PTPRT: variants seen among roughly 807,000 people sequenced by gnomAD.
PTPRT encodes the protein receptor-type tyrosine-protein phosphatase T.
Under a neutral mutation model 176.8 loss-of-function variants are expected in PTPRT, and 56 were observed. That is an observed-to-expected ratio of 0.32 (90% CI 0.26 to 0.40). The LOEUF (loss-of-function observed/expected upper bound fraction) is 0.40, where lower values mean the gene tolerates loss of function less well. PTPRT is among the 10% of genes least tolerant of loss of function. PTPRT has a pLI of 1.00. For synonymous variants in PTPRT, 783 were observed against 739.0 expected, an observed-to-expected ratio of 1.06 and a Z score of -0.96; for missense variants, 1,540 against 1,908.2, an observed-to-expected ratio of 0.81 and a Z score of 3.60.
intron 16 of PTPRT, among the ~76,000 whole-genome samples, chr20:42,175,358 T>C (rs762619421): frequency 2.6e-5 from 4 of 152,150 alleles, no homozygotes; most frequent in Non-Finnish European, 5.9e-5. Context: ...CCTGAGAATC[T>C]GTACAGGACG....
chr20:42,186,483 TAGA>T (rs1416364543), intron 16 of PTPRT, among the ~76,000 whole-genome samples: 1 of 151,198 alleles, frequency 6.6e-6, no homozygotes, highest in Non-Finnish European at 1.5e-5. Flanking sequence ...GGTCCTGTGG[TAGA>T]AGGAGTGTGA....
intron 17 of PTPRT, among the ~76,000 whole-genome samples, chr20:42,157,694 GAT>G (rs1436137556): frequency 6.6e-6 from 1 of 152,134 alleles, no homozygotes; most frequent in Non-Finnish European, 1.5e-5. Context: ...CTCATCAAGG[GAT>G]AGAGTCAAAT....
At chr20:42,941,410 C>CT (rs1980543720) in intron 1 of PTPRT, among the ~76,000 whole-genome samples, 1 of 152,144 alleles carries the variant, frequency 6.6e-6, no homozygotes, top group Non-Finnish European at 1.5e-5. Flanking sequence ...CTTGACTCTC[C>CT]TTTTCTGTAA....
intron 7 of PTPRT, among the ~76,000 whole-genome samples, chr20:42,651,078 G>A (rs1425489741): frequency 6.6e-6 from 1 of 151,918 alleles, no homozygotes; most frequent in Non-Finnish European, 1.5e-5. Flanking sequence ...TAATTAAATG[G>A]CTCTTATATC....
intron 13 of PTPRT, among the ~76,000 whole-genome samples, chr20:42,256,479 C>T (rs1330151895): frequency 6.7e-6 from 1 of 148,480 alleles, no homozygotes; most frequent in Non-Finnish European, 1.5e-5. Context: ...GAAACAAATG[C>T]TGTTGCTGAC....
At chr20:43,017,477 G>A (rs1004927276) in intron 1 of PTPRT, among the ~76,000 whole-genome samples, 2 of 152,158 alleles carry the variant, frequency 1.3e-5, no homozygotes, top group African/African-American at 4.8e-5. Context: ...TGCACACCTT[G>A]TCCCTGTTAT....
chr20:42,285,761 T>C (rs1326254693), intron 12 of PTPRT, among the ~76,000 whole-genome samples: 1 of 150,986 alleles, frequency 6.6e-6, no homozygotes, highest in Non-Finnish European at 1.5e-5. Flanking sequence ...TGTCTGCACA[T>C]GACATGATCT....
At chr20:42,363,919 G>T (rs2058477797) in intron 9 of PTPRT, among the ~76,000 whole-genome samples, 1 of 152,082 alleles carries the variant, frequency 6.6e-6, no homozygotes, top group South Asian at 2.1e-4. Context: ...TCCAGGGCCT[G>T]GGAGACCAAA....
At chr20:42,862,446 T>A (rs1453544068) in intron 2 of PTPRT, among the ~76,000 whole-genome samples, 1 of 152,040 alleles carries the variant, frequency 6.6e-6, no homozygotes, top group Non-Finnish European at 1.5e-5. Flanking sequence ...TCCAGGAAAT[T>A]GGGTCTATTG....
chr20:42,494,454 CAG>C (rs2071615771), intron 7 of PTPRT, among the ~76,000 whole-genome samples: 1 of 152,088 alleles, frequency 6.6e-6, no homozygotes. Context: ...AGGAAATACA[CAG>C]AGTAAAGAAA....
chr20:43,149,712 C>A (rs528168244), intron 1 of PTPRT, among the ~76,000 whole-genome samples: 16 of 152,340 alleles, frequency 1.1e-4, no homozygotes, highest in South Asian at 4.1e-4. Context: ...AGCAACCATG[C>A]ATGTCACGTG....
At chr20:42,577,533 C>T (rs1430443925) in intron 7 of PTPRT, among the ~76,000 whole-genome samples, 1 of 152,188 alleles carries the variant, frequency 6.6e-6, no homozygotes. Context: ...GATGATACTG[C>T]AGACTGGGGA....
At chr20:42,425,349 A>G (rs1424069906) in intron 9 of PTPRT, among the ~76,000 whole-genome samples, 3 of 152,234 alleles carry the variant, frequency 2.0e-5, no homozygotes, top group Admixed American at 6.5e-5. Context: ...GGTAATGCCC[A>G]TTCTACTCGG....
At chr20:42,760,569 T>C (rs2076901234) in intron 5 of PTPRT, among the ~76,000 whole-genome samples, 1 of 152,102 alleles carries the variant, frequency 6.6e-6, no homozygotes, top group African/African-American at 2.4e-5. Flanking sequence ...TAACAAGATT[T>C]ATCTGAGCGT....
chr20:43,051,707 T>C (rs997002384), intron 1 of PTPRT, among the ~76,000 whole-genome samples: 4 of 151,000 alleles, frequency 2.6e-5, no homozygotes, highest in African/African-American at 2.4e-5. Context: ...ATGCAACTTA[T>C]TGAACCGCAG....
intron 16 of PTPRT, among the ~76,000 whole-genome samples, chr20:42,184,545 T>TCTTCTTCTTCTTCTTCTC: frequency 9.6e-6 from 1 of 103,744 alleles, no homozygotes; most frequent in African/African-American, 4.2e-5. Flanking sequence ...CTCTTCCTCT[T>TCTTCTTCTTCTTCTTCTC]CTTCTTCTTC....
intron 7 of PTPRT, among the ~76,000 whole-genome samples, chr20:42,653,549 G>A (rs1048249738): frequency 3.9e-5 from 6 of 152,176 alleles, no homozygotes; most frequent in Admixed American, 2.0e-4. Flanking sequence ...GGAGGTCAAG[G>A]AGAAGCCCAC....
intron 8 of PTPRT, among the ~76,000 whole-genome samples, chr20:42,466,913 A>C (rs536625416): frequency 3.9e-5 from 6 of 152,294 alleles, no homozygotes; most frequent in African/African-American, 1.4e-4. Context: ...GAAGCAAGGA[A>C]GACTAATGAG....
intron 6 of PTPRT, among the ~76,000 whole-genome samples, chr20:42,746,785 G>A (rs1215485265): frequency 6.6e-6 from 1 of 152,150 alleles, no homozygotes; most frequent in Admixed American, 6.5e-5. Flanking sequence ...TTCCAGGAAA[G>A]TCAAGATCAG....
Sources: gnomAD v4.1 joint callset for allele counts (sites outside exome capture counted in the v4.1 genomes callset) on GRCh38, gnomAD v4.1.1 for gene constraint, MANE v1.5 for transcripts, NCBI Gene and HGNC (gene_info 2026-07-23, HGNC 2026-07-21) for gene names.